The following JAKMIP3 variants were observed in gnomAD, a reference collection of about 807,000 sequenced individuals.
JAKMIP3 encodes janus kinase and microtubule-interacting protein 3.
JAKMIP3 carries 58 observed loss-of-function variants against 118.5 expected under a neutral mutation model. That is an observed-to-expected ratio of 0.49 (90% confidence interval 0.40 to 0.61). The LOEUF (loss-of-function observed/expected upper bound fraction) is 0.61. Ranked by LOEUF, JAKMIP3 falls within the 20% of genes least tolerant of loss-of-function variation. The probability of loss-of-function intolerance (pLI) is 0.00; values close to 1 mark genes in which losing one functional copy is unlikely to be tolerated. For synonymous variants in JAKMIP3, 486 were observed against 451.2 expected (o/e 1.08, Z -0.98); for missense variants, 950 against 1,109.0 (o/e 0.86, Z 2.04).
At chr10:132,121,082 A>C (rs11146193) in intron 3 of JAKMIP3, among the ~76,000 whole-genome samples, 1 of 151,836 alleles carries the variant, frequency 6.6e-6, no homozygotes, top group Admixed American at 6.6e-5. Flanking sequence ...TGGACTGGGG[A>C]CAGGGGACTG....
chr10:132,169,486 G>A (rs1287962638), intron 23 of JAKMIP3, among the ~76,000 whole-genome samples: 1 of 152,208 alleles, frequency 6.6e-6, no homozygotes, highest in African/African-American at 2.4e-5. Flanking sequence ...AGGGAGGGAG[G>A]GAGGTCAGGA....
intron 21 of JAKMIP3, among the ~76,000 whole-genome samples, chr10:132,165,071 T>G (rs2058756142): frequency 6.6e-6 from 1 of 152,238 alleles, no homozygotes; most frequent in Non-Finnish European, 1.5e-5. Context: ...GTTCCTCCCA[T>G]CACTGAAGCC....
At position 132,179,040 on chromosome 10, in the gene JAKMIP3, C is replaced by T. The variant is rs930786499; in HGVS notation, c.*1104-3317C>T. On this transcript the variant is annotated intron_variant, in intron 23 of 23. Transcript: ENST00000684848. The surrounding 1 kb of genome is among the most constrained non-coding windows in gnomAD (Gnocchi z 4.3). ...GTGCCCGTGGGGCTGGGGGCCCCGACCTGTGGAAACACCCTGTGTCAGCCC... is the reference window on the plus strand; with the variant it reads ...GTGCCCGTGGGGCTGGGGGCCCCGATCTGTGGAAACACCCTGTGTCAGCCC... Among the ~76,000 whole-genome samples the T allele has an allele frequency of 1.3e-5, 2 of 152,228 alleles. No homozygotes were observed. The highest frequency in any genetic ancestry group is 2.9e-5 in the Non-Finnish European group (2 of 68,028).
chr10:132,138,255 AGCGCTGGTGTGTGCGGAGAGGGGT>A (rs2052302485), intron 9 of JAKMIP3, 77 bp downstream of exon 9: 2 of 1,344,512 alleles, frequency 1.5e-6, no homozygotes, highest in Admixed American at 2.0e-5. Flanking sequence ...GTGTGTGGAG[AGCGCTGGTGTGTGCGGAGAGGGGT>A]GCGCCGGTGT....
At chr10:132,075,461 C>T (rs2134075790) in intron 1 of JAKMIP3, among the ~76,000 whole-genome samples, 1 of 131,988 alleles carries the variant, frequency 7.6e-6, no homozygotes, top group African/African-American at 3.0e-5. Flanking sequence ...GGCTGGAGTG[C>T]TGCAGTGGTG....
At chr10:132,151,410 G>A (rs1350680192) in intron 16 of JAKMIP3, among the ~76,000 whole-genome samples, 1 of 152,106 alleles carries the variant, frequency 6.6e-6, no homozygotes, top group Admixed American at 6.5e-5. Flanking sequence ...CAGCCCCTGG[G>A]GAGCAGTGAG....
chr10:132,060,072 C>T (rs1286801973), upstream of JAKMIP3, among the ~76,000 whole-genome samples: 1 of 152,154 alleles, frequency 6.6e-6, no homozygotes, highest in Non-Finnish European at 1.5e-5. Context: ...GCTGCGAAGA[C>T]CCTGGCATAG....
chr10:132,115,256 G>A (rs568426897), intron 2 of JAKMIP3, among the ~76,000 whole-genome samples: 2 of 97,804 alleles, frequency 2.0e-5, no homozygotes, highest in African/African-American at 4.1e-5. Flanking sequence ...GGGTCACCCT[G>A]GTGGGTCACC....
Position 132,167,967 on chromosome 10 carries a change from G to C in JAKMIP3, c.*37G>C, listed in dbSNP as rs757116055. The C allele has an allele frequency of 7.8e-7, 1 of 1,289,354 alleles. No homozygotes were observed. The highest frequency in any genetic ancestry group is 2.3e-5 in the Admixed American group (1 of 43,548). The allele number at this position is 1,289,354 out of a possible 1,614,324, so 79.9% of individuals were successfully genotyped here. ...ATTTCTTCCAGCCCCACATTGAATCGGACCCTTTTCCTCCAGTGGGACCAG... is the reference window on the plus strand; with the variant it reads ...ATTTCTTCCAGCCCCACATTGAATCCGACCCTTTTCCTCCAGTGGGACCAG... On this transcript the variant is annotated 3_prime_UTR_variant, in exon 23 of 24. Transcript: ENST00000684848.
intron 23 of JAKMIP3, among the ~76,000 whole-genome samples, chr10:132,171,954 T>G (rs1447756994): frequency 6.6e-6 from 1 of 152,148 alleles, no homozygotes; most frequent in Non-Finnish European, 1.5e-5. Context: ...GCGCCCGGCC[T>G]GTCCCTGTCT....
chr10:132,057,911 A>G (rs1284957138), intron 1 of JAKMIP3, among the ~76,000 whole-genome samples: 1 of 152,222 alleles, frequency 6.6e-6, no homozygotes, highest in Non-Finnish European at 1.5e-5. Context: ...CACACTGCAC[A>G]CTGGTGCGTA....
At chr10:132,164,907 CGGAGCTGAGCTGGGT>C (rs376011750) in intron 21 of JAKMIP3, among the ~76,000 whole-genome samples, 172 bp downstream of exon 21, 9,319 of 152,226 alleles carry the variant, frequency 0.061, 311 homozygotes, top group Middle Eastern at 0.092. Context: ...CTGAGCTGGG[CGGAGCTGAGCTGGGT>C]GGTAGCTGCA....
At position 132,172,952 on chromosome 10, in the gene JAKMIP3, TCTCTCTCTCCTTCC is replaced by T. The variant is rs561612289; in HGVS notation, c.*1103+3943_*1103+3956del. Among the ~76,000 whole-genome samples the T allele has an allele frequency of 4.2e-3, 588 of 140,898 alleles. 30 individuals are homozygous for T. Among genetic ancestry groups the T allele is most frequent in the African/African-American group, 0.014 (468 of 34,450 alleles). 92.4% of individuals were successfully genotyped at this position (140,898 alleles called of 152,430 possible). On this transcript the variant is annotated intron_variant, in intron 23 of 23. Coordinates refer to ENST00000684848, the MANE Select transcript of JAKMIP3 (RefSeq NM_001323087.2). ...TTCCCGCCTTCCCTCTCTACTTCCT[TCTCTCTCTCCTTCC>T]CTCTCTCTCCTTCCCTCTCTCTCTC...
intron 1 of JAKMIP3, among the ~76,000 whole-genome samples, chr10:132,059,142 C>T (rs1341985222): frequency 2.0e-5 from 3 of 152,260 alleles, no homozygotes; most frequent in Admixed American, 6.5e-5. Flanking sequence ...CCTAAAAGAA[C>T]GTCCTGGGGC....
intron 21 of JAKMIP3, among the ~76,000 whole-genome samples, chr10:132,165,360 G>A (rs1420782421): frequency 6.6e-6 from 1 of 152,196 alleles, no homozygotes; most frequent in Non-Finnish European, 1.5e-5. Flanking sequence ...TCAGGGCAGC[G>A]CTTGTTCTCC....
At chr10:132,073,616 C>T (rs2040331050) in intron 1 of JAKMIP3, among the ~76,000 whole-genome samples, 1 of 151,914 alleles carries the variant, frequency 6.6e-6, no homozygotes, top group Non-Finnish European at 1.5e-5. Flanking sequence ...CCTACCTCAG[C>T]CTTCTAAGTA....
rs368615116 is a variant in JAKMIP3, at chr10:132,138,109, G to C, written c.1285-10G>C. On this transcript the variant is annotated splice_polypyrimidine_tract_variant and intron_variant, in intron 8 of 23. Transcript: ENST00000684848. Reference sequence around the variant, plus strand: ...ACCACTTACACAACCTCTTCAACTGGCTTCCGCAGGAGCGGGACAAGCTGT... The same window carrying C: ...ACCACTTACACAACCTCTTCAACTGCCTTCCGCAGGAGCGGGACAAGCTGT... 1 of 1,610,738 alleles carries C rather than the reference G, an allele frequency of 6.2e-7. No homozygotes were observed. The highest frequency in any genetic ancestry group is 2.2e-5 in the East Asian group (1 of 44,780).
chr10:132,145,733 C>T (rs2054476403), intron 13 of JAKMIP3, among the ~76,000 whole-genome samples, 153 bp downstream of exon 13: 1 of 152,210 alleles, frequency 6.6e-6, no homozygotes, highest in African/African-American at 2.4e-5. Flanking sequence ...TGCGGGACCC[C>T]ATCAGGAGCC....
upstream of JAKMIP3, among the ~76,000 whole-genome samples, chr10:132,062,044 G>C (rs1244848453): frequency 2.0e-5 from 3 of 152,072 alleles, no homozygotes; most frequent in Non-Finnish European, 2.9e-5. Flanking sequence ...AGAGGGAAAG[G>C]GGGGCCGGGT....
Sources: gnomAD v4.1 joint callset for allele counts (sites outside exome capture counted in the v4.1 genomes callset) on GRCh38, gnomAD v4.1.1 for gene constraint, Gnocchi (gnomAD v3.1) non-coding constraint, MANE v1.5 for transcripts, NCBI Gene and HGNC (gene_info 2026-07-23, HGNC 2026-07-21) for gene names.